SLC3A2: variants seen among roughly 807,000 people sequenced by gnomAD.
The protein encoded by SLC3A2 is amino acid transporter heavy chain SLC3A2.
In SLC3A2, 32 loss-of-function variants were observed where a neutral mutation model predicts 48.5. The observed-to-expected ratio is 0.66, with a 90% CI of 0.50 to 0.89. The LOEUF (loss-of-function observed/expected upper bound fraction) is 0.89. Among genes scored for constraint, SLC3A2 ranks in the 40% least tolerant of loss-of-function variants. SLC3A2 has a pLI of 0.00. For missense variants in SLC3A2, 587 were observed against 680.7 expected, an observed-to-expected ratio of 0.86 and a Z score of 1.53; for synonymous variants, 277 against 288.8, an observed-to-expected ratio of 0.96 and a Z score of 0.41.
intron 1 of SLC3A2, among the ~76,000 whole-genome samples, chr11:62,867,028 T>C (rs2134981905): frequency 6.6e-6 from 1 of 152,264 alleles, no homozygotes; most frequent in South Asian, 2.1e-4. Context: ...GAGTTTCTTG[T>C]TGTGCAGGCT....
intron 7 of SLC3A2, among the ~76,000 whole-genome samples, chr11:62,887,334 C>T (rs976943953): frequency 6.6e-6 from 1 of 152,050 alleles, no homozygotes; most frequent in African/African-American, 2.4e-5. Context: ...TGGCAGCCAT[C>T]TGGGAGCTCT....
At chr11:62,856,525 TTTC>T in intron 1 of SLC3A2, 1 of 667,408 alleles carries the variant, frequency 1.5e-6, no homozygotes. Flanking sequence ...TCTGGTGCGT[TTTC>T]TTTAGATCTT....
chr11:62,884,088 G>T, intron 3 of SLC3A2: 1 of 469,986 alleles, frequency 2.1e-6, no homozygotes, highest in South Asian at 1.5e-5. Flanking sequence ...GCTTCTCTGG[G>T]TCTGTTTCTT....
intron 1 of SLC3A2, among the ~76,000 whole-genome samples, chr11:62,857,210 T>C (rs2085341186): frequency 6.7e-6 from 1 of 150,234 alleles, no homozygotes; most frequent in South Asian, 2.1e-4. Flanking sequence ...CAACCTCCGC[T>C]TCCCAGGTTC....
upstream of SLC3A2, among the ~76,000 whole-genome samples, chr11:62,876,285 ACTTT>A (rs1482889961): frequency 6.6e-6 from 1 of 152,158 alleles, no homozygotes; most frequent in Non-Finnish European, 1.5e-5. Context: ...TTAGAAAGGA[ACTTT>A]CTTTATATAC....
At position 62,881,832 on chromosome 11, in the gene SLC3A2, G is replaced by T; in HGVS notation, c.425-61G>T. 1 of 1,574,188 alleles carries T rather than the reference G, an allele frequency of 6.4e-7. No homozygotes were observed. Among genetic ancestry groups the T allele is most frequent in the Non-Finnish European group, 8.7e-7 (1 of 1,153,396 alleles). The stretch of plus-strand genomic sequence containing the variant: ...CACCCTTAGGCGCTGGGAGAAGGGA[G>T]GGTGGGGAGGTCAGGGGCCTCTCAG... On this transcript the variant is annotated intron_variant, in intron 1 of 8. Transcript: ENST00000338663. The surrounding 1 kb of genome is among the most constrained non-coding windows in gnomAD (Gnocchi z 4.0).
Position 62,885,569 on chromosome 11 carries a change from G to A in SLC3A2, c.1104G>A (p.Gly368=), listed in dbSNP as rs777869567. The change falls in exon 7 of 9, where the codon GGG becomes GGA. Residue 368 remains glycine (G), a synonymous_variant. Transcript: ENST00000338663. Reference sequence around the variant, plus strand: ...CAGGGACCCCTGTTTTCAGCTACGGGGATGAGATTGGCCTGGATGCAGCTG... The same window carrying A: ...CAGGGACCCCTGTTTTCAGCTACGGAGATGAGATTGGCCTGGATGCAGCTG... The part of the protein sequence containing the change: ...TLPGTPVFSY[G]DEIGLDAAAL... 1.2e-6 allele frequency: 2 copies of A among 1,614,056 alleles called. No homozygotes were observed. Among genetic ancestry groups the A allele is most frequent in the African/African-American group, 2.7e-5 (2 of 74,918 alleles).
At position 62,884,537 on chromosome 11, in the gene SLC3A2, T is replaced by C; in HGVS notation, c.759+12T>C. On this transcript the variant is annotated intron_variant, in intron 4 of 8. Coordinates refer to ENST00000338663, the MANE Select transcript of SLC3A2 (RefSeq NM_001013251.3). Reference sequence around the variant, plus strand: ...TAGAGAATCTGAAGGTGAGTTCCCTTTCCACATTAGGGACAAAGCTTGGGC... The same window carrying C: ...TAGAGAATCTGAAGGTGAGTTCCCTCTCCACATTAGGGACAAAGCTTGGGC... 1 of 1,614,210 alleles carries C rather than the reference T, an allele frequency of 6.2e-7. No homozygotes were observed. Among genetic ancestry groups the C allele is most frequent in the Non-Finnish European group, 8.5e-7 (1 of 1,180,024 alleles).
chr11:62,871,240 C>CT lies in SLC3A2; in HGVS notation c.113-9763dup, dbSNP rs747198908. Reference sequence around the variant, plus strand: ...ATGCCTGCTGCCTGGTAGGGCTTATCTTTTTTTTTTTTTTTTGGTGTGAAG... The same window carrying CT: ...ATGCCTGCTGCCTGGTAGGGCTTATCTTTTTTTTTTTTTTTTTGGTGTGAAG... On this transcript the variant is annotated intron_variant, in intron 1 of 9. Transcript: ENST00000377889. Among the ~76,000 whole-genome samples the CT allele has an allele frequency of 8.8e-3, 1,048 of 118,514 alleles. 10 individuals carry two copies. The highest frequency in any genetic ancestry group is 0.04 in the South Asian group (149 of 3,680). 77.7% of individuals were successfully genotyped at this position (118,514 alleles called of 152,430 possible).
intron 1 of SLC3A2, among the ~76,000 whole-genome samples, chr11:62,862,517 C>G (rs572970601): frequency 6.6e-6 from 1 of 151,796 alleles, no homozygotes; most frequent in Admixed American, 6.6e-5. Context: ...TCCTCCCTAT[C>G]GCCACCCCTC....
chr11:62,884,935 G>A (rs1038838721), intron 5 of SLC3A2, among the ~76,000 whole-genome samples: 2 of 138,232 alleles, frequency 1.4e-5, no homozygotes, highest in African/African-American at 5.3e-5. Context: ...GGGTTCAAGC[G>A]ATTCTCCTGC....
exon 1 of SLC3A2, chr11:62,856,327 C>T (rs181905039): frequency 6.2e-7 from 1 of 1,613,646 alleles, no homozygotes; most frequent in East Asian, 2.2e-5. Context: ...GCGCCAGTTG[C>T]CTGGCTCACA....
At chr11:62,865,928 C>A (rs2085447840) in intron 1 of SLC3A2, among the ~76,000 whole-genome samples, 1 of 152,130 alleles carries the variant, frequency 6.6e-6, no homozygotes, top group Non-Finnish European at 1.5e-5. Flanking sequence ...CTTCTCCTGT[C>A]ATCAGCTGTG....
intron 1 of SLC3A2, among the ~76,000 whole-genome samples, chr11:62,870,354 G>A (rs1166193970): frequency 1.3e-5 from 2 of 151,482 alleles, no homozygotes; most frequent in African/African-American, 4.9e-5. Context: ...GCTAATTTTT[G>A]TATTTTTAGT....
Position 62,881,817 on chromosome 11 carries a change from C to A in SLC3A2, c.425-76C>A. On this transcript the variant is annotated intron_variant, in intron 1 of 8. Coordinates refer to ENST00000338663, the MANE Select transcript of SLC3A2 (RefSeq NM_001013251.3). This position sits in a 1 kb window ranked among gnomAD's most constrained non-coding sequence, Gnocchi z 4.0. ...GCCCCCTCCCCGTCCCACCCTTAGG[C>A]GCTGGGAGAAGGGAGGGTGGGGAGG... 1.3e-6 allele frequency: 2 copies of A among 1,529,344 alleles called. No homozygotes were observed. The highest frequency in any genetic ancestry group is 1.2e-5 in the South Asian group (1 of 84,854). 94.7% of individuals were successfully genotyped at this position (1,529,344 alleles called of 1,614,324 possible).
At chr11:62,865,495 G>C (rs1025479856) in intron 1 of SLC3A2, among the ~76,000 whole-genome samples, 1 of 148,016 alleles carries the variant, frequency 6.8e-6, no homozygotes, top group Non-Finnish European at 1.5e-5. Flanking sequence ...GGAGGATGTT[G>C]CAGTGAGCCT....
intron 1 of SLC3A2, among the ~76,000 whole-genome samples, chr11:62,863,774 A>G (rs1355653065): frequency 6.6e-6 from 1 of 152,210 alleles, no homozygotes; most frequent in Admixed American, 6.5e-5. Context: ...CTTCATAGTC[A>G]AGCTTTCCAG....
At chr11:62,866,798 G>A (rs558341242) in intron 1 of SLC3A2, among the ~76,000 whole-genome samples, 48 of 152,084 alleles carry the variant, frequency 3.2e-4, no homozygotes, top group Non-Finnish European at 2.1e-4. Flanking sequence ...TTTGGAACAG[G>A]GAGATTGAAT....
At chr11:62,882,488 C>CT (rs369854613) in intron 2 of SLC3A2, 130,728 of 184,506 alleles carry the variant, frequency 0.71, 45,416 homozygotes, top group Non-Finnish European at 0.79. Flanking sequence ...CTTCCAATAT[C>CT]TTTTTTTTTT....
Sources: allele counts gnomAD v4.1 joint callset (sites outside exome capture counted in the v4.1 genomes callset), GRCh38; gene constraint gnomAD v4.1.1; non-coding constraint Gnocchi (gnomAD v3.1); transcripts MANE v1.5; gene names NCBI Gene and HGNC (gene_info 2026-07-23, HGNC 2026-07-21).